Variants in NOTCH3 observed in about 807,000 individuals in gnomAD.
NOTCH3 encodes notch receptor 3.
Under a neutral mutation model 213.3 loss-of-function variants are expected in NOTCH3, and 86 were observed. The ratio of observed to expected loss-of-function variants is 0.40; its 90% CI spans 0.34 to 0.48. The LOEUF is 0.48. Among genes scored for constraint, NOTCH3 ranks in the 20% least tolerant of loss-of-function variants. The pLI is 0.57. For missense variants in NOTCH3, 2,783 were observed against 3,272.6 expected (o/e 0.85, Z 3.65); for synonymous variants, 1,354 against 1,355.9 (o/e 1.00, Z 0.03).
intron 1 of NOTCH3, among the ~76,000 whole-genome samples, 164 bp from the exon 2 acceptor site, chr19:15,197,742 C>T (rs1290403357): frequency 1.2e-5 from 1 of 83,248 alleles, no homozygotes; most frequent in South Asian, 5.3e-4. Context: ...ACGCCCCCCC[C>T]CCCCCCGCCC....
intron 2 of NOTCH3, 58 bp downstream of exon 2, chr19:15,197,442 C>CCCCCA: frequency 3.2e-6 from 2 of 620,836 alleles, no homozygotes; most frequent in Non-Finnish European, 6.1e-6. Context: ...AGACAAATCG[C>CCCCCA]CCCTCCCCCC....
rs186587577 is a variant in NOTCH3 at position 15,171,971 on chromosome 19, G to A, written c.4737-1146C>T. On this transcript the variant is annotated intron_variant, in intron 25 of 32. Transcript: ENST00000263388. ...GAGTGCAATGGTGCTATCTCAGCTC[G>A]CCACAACCTCCACGTCCAGGGTTCA... 1.6e-3 allele frequency among the ~76,000 whole-genome samples: 249 copies of A among 150,996 alleles called. 2 individuals carry two copies. The highest frequency in any genetic ancestry group is 3.5e-3 in the Middle Eastern group (1 of 284).
rs934302865 is a variant in NOTCH3 at position 15,165,216 on chromosome 19, C to G, written c.5815+152G>C. The G allele has an allele frequency of 8.5e-6, 7 of 818,928 alleles. 1 individual carries two copies. Among genetic ancestry groups the G allele is most frequent in the South Asian group, 1.4e-5 (1 of 71,256 alleles). The allele number at this position is 818,928 out of a possible 1,614,324, so 50.7% of individuals were successfully genotyped here. On this transcript the variant is annotated intron_variant, in intron 31 of 32. Transcript: ENST00000263388. The surrounding 1 kb of genome is among the most constrained non-coding windows in gnomAD (Gnocchi z 4.7). ...AGGCACCCTAAGGACTAGTGGTGACCCTGCATGACCCTGCAGGCTTCATGA... is the reference window on the plus strand; with the variant it reads ...AGGCACCCTAAGGACTAGTGGTGACGCTGCATGACCCTGCAGGCTTCATGA...
Position 15,170,135 on chromosome 19 carries a change from A to G in NOTCH3, c.5150T>C (p.Val1717Ala). 6.2e-7 allele frequency: 1 copy of G among 1,604,196 alleles called. No individual in the cohort carries two copies. The highest frequency in any genetic ancestry group is 8.5e-7 in the Non-Finnish European group (1 of 1,175,518). ...CTCTGTGTCCATCCAGTCTGTGGCCACCTCCCCCATCAGGCTCTCACCCTT... is the reference window on the plus strand; with the variant it reads ...CTCTGTGTCCATCCAGTCTGTGGCCGCCTCCCCCATCAGGCTCTCACCCTT... ...MAKGESLMGE[V>A]ATDWMDTECP... The change falls in exon 28 of 33, where the codon GTG (valine) becomes GCG (alanine). Residue 1717 changes from valine to alanine, a missense_variant. Physicochemically the swap from Val to Ala is moderately conservative, Grantham distance 64 (BLOSUM62 0). Around this residue, in one of 6 missense-constraint regions of NOTCH3, gnomAD observed 636 missense variants for 801.8 expected, o/e 0.79. Coordinates refer to ENST00000263388, the MANE Select transcript of NOTCH3 (RefSeq NM_000435.3).
At chr19:15,174,535 G>A in intron 24 of NOTCH3, 135 bp from the exon 25 acceptor site, 2 of 617,072 alleles carry the variant, frequency 3.2e-6, no homozygotes, top group Non-Finnish European at 5.2e-6. Context: ...ACGGACCCAT[G>A]CCAGGCTTTC....
intron 2 of NOTCH3, among the ~76,000 whole-genome samples, chr19:15,194,984 A>G (rs553444232): frequency 6.6e-6 from 1 of 151,962 alleles, no homozygotes; most frequent in East Asian, 1.9e-4. Flanking sequence ...AGGAAAAGGA[A>G]AAAAAGAAGT....
At chr19:15,188,910 C>T in intron 8 of NOTCH3, 79 bp downstream of exon 8, 1 of 1,441,786 alleles carries the variant, frequency 6.9e-7, no homozygotes, top group South Asian at 1.2e-5. Flanking sequence ...ACACCCCATT[C>T]TGCTCAGCTC....
At chr19:15,175,312 A>C (rs190092274) in intron 24 of NOTCH3, among the ~76,000 whole-genome samples, 23,016 of 138,500 alleles carry the variant, frequency 0.17, 3,181 homozygotes, top group African/African-American at 0.37. Context: ...GTGTACGGAT[A>C]ACCTGAGGTC....
At position 15,175,406 on chromosome 19, in the gene NOTCH3, C is replaced by T. The variant is rs866850135; in HGVS notation, c.4404-1006G>A. ...AAAATTAGTCAGGCATGGTGGCGGG[C>T]GCCTGTAATCCCAGCTACTCGGGAA... On this transcript the variant is annotated intron_variant, in intron 24 of 32. Transcript: ENST00000263388. 1.0e-4 allele frequency among the ~76,000 whole-genome samples: 15 copies of T among 149,748 alleles called. No individual in the cohort carries two copies. In the South Asian group the frequency reaches 1.3e-3, roughly 13 times the overall value.
intron 12 of NOTCH3, among the ~76,000 whole-genome samples, chr19:15,186,602 G>C (rs532642283): frequency 5.1e-4 from 77 of 152,016 alleles, no homozygotes; most frequent in African/African-American, 1.8e-3. Context: ...ATGGGGCTTC[G>C]CAACGTTGGC....
At chr19:15,172,601 T>A (rs890108973) in intron 25 of NOTCH3, among the ~76,000 whole-genome samples, 8 of 151,146 alleles carry the variant, frequency 5.3e-5, no homozygotes, top group African/African-American at 1.9e-4. Context: ...TCCTCAACAA[T>A]AGCTACACCT....
chr19:15,181,351 G>T (rs1318774661), intron 17 of NOTCH3, among the ~76,000 whole-genome samples, 189 bp from the exon 18 acceptor site: 21 of 152,174 alleles, frequency 1.4e-4, no homozygotes, highest in Admixed American at 1.4e-3. Flanking sequence ...CAGCCCTAAG[G>T]TGAGAGCCAC....
chr19:15,196,731 C>G (rs777694161), intron 2 of NOTCH3, among the ~76,000 whole-genome samples: 7 of 152,106 alleles, frequency 4.6e-5, no homozygotes, highest in South Asian at 4.1e-4. Context: ...ATTCTGAGCA[C>G]TTAATGTATG....
intron 6 of NOTCH3, 100 bp downstream of exon 6, chr19:15,191,324 T>C (rs1266705159): frequency 9.1e-7 from 1 of 1,097,268 alleles, no homozygotes; most frequent in Non-Finnish European, 1.3e-6. Flanking sequence ...TGAGCCACTG[T>C]GCCCAGCCTA....
At chr19:15,170,065 A>T in intron 28 of NOTCH3, 21 bp downstream of exon 28, 1 of 1,462,982 alleles carries the variant, frequency 6.8e-7, no homozygotes, top group Non-Finnish European at 9.4e-7. Context: ...GAGGGGGCAA[A>T]GGTCAGAGGG....
Position 15,177,903 on chromosome 19 carries a change from G to A in NOTCH3, c.4025C>T (p.Ala1342Val). 1 of 1,269,566 alleles carries A rather than the reference G, an allele frequency of 7.9e-7. No individual in the cohort carries two copies. The highest frequency in any genetic ancestry group is 2.7e-5 in the South Asian group (1 of 36,614). The allele number at this position is 1,269,566 out of a possible 1,614,324, so 78.6% of individuals were successfully genotyped here. Residue 1342 changes from alanine to valine, a missense_variant, in exon 24 of 33, where the codon GCC becomes GTC. By Grantham distance (64) the Ala-to-Val change is moderately conservative (BLOSUM62 0). Transcript: ENST00000263388. ...PGASNASCAA[A>V]PCLHGGSCRP... ...GCAGGAGCCCCCGTGGAGACAGGGG[G>A]CGGCCGCGCAGCTGGCGTTGCTGGC...
chr19:15,176,970 G>T (rs1428761767), intron 24 of NOTCH3, among the ~76,000 whole-genome samples: 1 of 151,180 alleles, frequency 6.6e-6, no homozygotes, highest in Non-Finnish European at 1.5e-5. Flanking sequence ...TACTCGGAAG[G>T]CTGAGGCAGG....
intron 2 of NOTCH3, 53 bp from the exon 3 acceptor site, chr19:15,192,572 A>G: frequency 1.3e-6 from 2 of 1,545,326 alleles, no homozygotes; most frequent in Non-Finnish European, 1.7e-6. Flanking sequence ...GGCCCCAGAC[A>G]CAAAGATACA....
In NOTCH3 at chr19:15,160,588, GAAGA is replaced by G; in HGVS notation, c.*70_*73del. On this transcript the variant is annotated 3_prime_UTR_variant, in exon 33 of 33. Coordinates refer to ENST00000263388, the MANE Select transcript of NOTCH3 (RefSeq NM_000435.3). ...GAGGATGAAAAAGACTAAAAGGAAG[GAAGA>G]GACAGAGAAAGAAAGGAGGCAGGAC... is the stretch of plus-strand genomic sequence containing the variant. The G allele has an allele frequency of 8.7e-7, 1 of 1,151,362 alleles. No individual in the cohort carries two copies. Among genetic ancestry groups the G allele is most frequent in the Non-Finnish European group, 1.3e-6 (1 of 757,762 alleles). The allele number at this position is 1,151,362 out of a possible 1,614,324, so 71.3% of individuals were successfully genotyped here. A position where few individuals can be genotyped will look rare whatever the true frequency, so the allele number is the denominator to read the frequency against.
Sources: allele counts gnomAD v4.1 joint callset (sites outside exome capture counted in the v4.1 genomes callset), GRCh38; gene constraint gnomAD v4.1.1; regional missense constraint gnomAD v4.1.1; non-coding constraint Gnocchi (gnomAD v3.1); transcripts MANE v1.5; gene names NCBI Gene and HGNC (gene_info 2026-07-23, HGNC 2026-07-21).